Variants in STK33 observed in about 807,000 individuals in gnomAD.
The protein encoded by STK33 is serine/threonine kinase 33.
A neutral mutation model predicts 58.0 loss-of-function variants in STK33; 52 were observed. That is an observed-to-expected ratio of 0.90 (90% CI 0.72 to 1.13). The LOEUF is 1.13. Among genes scored for constraint, STK33 ranks in the 50% most tolerant of loss-of-function variants. The pLI is 0.00. For synonymous variants in STK33, 215 were observed against 200.1 expected, an observed-to-expected ratio of 1.07 and a Z score of -0.63; for missense variants, 630 against 604.2, an observed-to-expected ratio of 1.04 and a Z score of -0.45.
chr11:8,426,784 T>C (rs1252471146), intron 14 of STK33, among the ~76,000 whole-genome samples: 1 of 152,216 alleles, frequency 6.6e-6, no homozygotes, highest in Non-Finnish European at 1.5e-5. Flanking sequence ...TTAAGTTAGA[T>C]ATCATTAATT....
chr11:8,487,170 T>A (rs1408289080), intron 1 of STK33, among the ~76,000 whole-genome samples: 3 of 152,202 alleles, frequency 2.0e-5, no homozygotes, highest in South Asian at 4.1e-4. Context: ...ATGACTGTAA[T>A]CCTAGCACTT....
At chr11:8,538,117 G>A (rs1489512083) in intron 1 of STK33, among the ~76,000 whole-genome samples, 3 of 152,052 alleles carry the variant, frequency 2.0e-5, no homozygotes, top group Non-Finnish European at 4.4e-5. Flanking sequence ...AGCCGTGGGA[G>A]GCAGAGATTG....
At chr11:8,431,505 T>C (rs1343795190) in intron 14 of STK33, among the ~76,000 whole-genome samples, 2 of 152,216 alleles carry the variant, frequency 1.3e-5, no homozygotes, top group African/African-American at 4.8e-5. Context: ...AAAGTGCTTT[T>C]GCAAGGTTGT....
At chr11:8,390,010 G>T (rs991315167), downstream of STK33, among the ~76,000 whole-genome samples, 2 of 152,076 alleles carry the variant, frequency 1.3e-5, no homozygotes, top group Non-Finnish European at 1.5e-5. Context: ...TCTCGCTCCG[G>T]CTTCCGGCTT....
At chr11:8,356,255 G>A in the STK33 span, among the ~76,000 whole-genome samples, 20 of 152,190 alleles carry the variant, frequency 1.3e-4, no homozygotes, top group African/African-American at 4.6e-4. Flanking sequence ...ATCCACCCAG[G>A]AGCATCCACG....
intron 7 of STK33, among the ~76,000 whole-genome samples, chr11:8,464,075 T>C (rs1282783908): frequency 1.3e-5 from 2 of 152,186 alleles, no homozygotes; most frequent in Non-Finnish European, 2.9e-5. Context: ...AACACCATAA[T>C]GTTGTTTGGT....
intron 1 of STK33, chr11:8,567,103 G>C (rs1957502099): frequency 6.6e-6 from 1 of 152,116 alleles, no homozygotes; most frequent in African/African-American, 2.4e-5. Flanking sequence ...TCGAGCCATT[G>C]CATTCCAGCC....
At chr11:8,523,627 A>T (rs1953734283) in intron 1 of STK33, among the ~76,000 whole-genome samples, 1 of 149,926 alleles carries the variant, frequency 6.7e-6, no homozygotes, top group Non-Finnish European at 1.5e-5. Context: ...AGTGAGGAGC[A>T]TCTCCGCCCG....
chr11:8,500,600 A>C (rs10840062), intron 1 of STK33, among the ~76,000 whole-genome samples: 83,687 of 152,026 alleles, frequency 0.55, 23,419 homozygotes, highest in African/African-American at 0.66. Flanking sequence ...TATTGGAAGA[A>C]TCAATACTCC....
Position 8,521,506 on chromosome 11 carries a change from C to T in STK33, c.-465-40892G>A, listed in dbSNP as rs561264647. ...TGGAGTAAAGACTTAAATGTTAGAC[C>T]TAAAACCATAAAAACCCTAGAAGAA... On this transcript the variant is annotated intron_variant, in intron 1 of 15. Coordinates refer to ENST00000687296, the MANE Select transcript of STK33 (RefSeq NM_001352389.2). Among the ~76,000 whole-genome samples, 266 of 152,166 alleles carry T rather than the reference C, an allele frequency of 1.7e-3. 2 individuals are homozygous for T. The highest frequency in any genetic ancestry group is 6.2e-3 in the African/African-American group (256 of 41,522).
At chr11:8,448,160 A>G (rs1166354099) in intron 11 of STK33, among the ~76,000 whole-genome samples, 1 of 152,230 alleles carries the variant, frequency 6.6e-6, no homozygotes, top group Non-Finnish European at 1.5e-5. Flanking sequence ...AGAACATTCC[A>G]TGCTCACGGG....
chr11:8,591,407 G>A (rs1311660558), intron 1 of STK33, among the ~76,000 whole-genome samples: 1 of 152,160 alleles, frequency 6.6e-6, no homozygotes, highest in African/African-American at 2.4e-5. Context: ...AAGCGTAAAA[G>A]CAATGGATCA....
intron 11 of STK33, among the ~76,000 whole-genome samples, chr11:8,450,518 C>G (rs934532145): frequency 6.6e-6 from 1 of 152,098 alleles, no homozygotes; most frequent in African/African-American, 2.4e-5. Flanking sequence ...AACAAACCTA[C>G]ACCTTCTGTA....
At chr11:8,357,311 G>A in the STK33 span, among the ~76,000 whole-genome samples, 1 of 152,248 alleles carries the variant, frequency 6.6e-6, no homozygotes, top group Non-Finnish European at 1.5e-5. Flanking sequence ...GTGGACAGCT[G>A]GGAGCCCGCC....
chr11:8,559,288 C>G (rs1413686450), intron 1 of STK33, among the ~76,000 whole-genome samples: 1 of 152,168 alleles, frequency 6.6e-6, no homozygotes, highest in Non-Finnish European at 1.5e-5. Flanking sequence ...AACCAAAGCA[C>G]AAAGCCAACA....
intron 1 of STK33, among the ~76,000 whole-genome samples, chr11:8,527,368 C>T (rs569550422): frequency 6.6e-6 from 1 of 152,304 alleles, no homozygotes; most frequent in Non-Finnish European, 1.5e-5. Flanking sequence ...TATTATTGAT[C>T]TGAGTGATGG....
At chr11:8,554,754 C>T (rs982777313) in intron 1 of STK33, among the ~76,000 whole-genome samples, 1 of 152,078 alleles carries the variant, frequency 6.6e-6, no homozygotes, top group Non-Finnish European at 1.5e-5. Context: ...CTCACTGCTG[C>T]GTACATACCC....
At chr11:8,363,898 C>A in the STK33 span, among the ~76,000 whole-genome samples, 6 of 152,130 alleles carry the variant, frequency 3.9e-5, no homozygotes, top group Admixed American at 2.6e-4. Context: ...TGTTTCATTT[C>A]TTTGTAAAAA....
At chr11:8,411,079 C>A (rs1368574533) in intron 15 of STK33, among the ~76,000 whole-genome samples, 2 of 152,216 alleles carry the variant, frequency 1.3e-5, no homozygotes, top group Admixed American at 6.5e-5. Flanking sequence ...TGCCAAGTGT[C>A]TCATCAGAAG....
Sources: allele counts gnomAD v4.1 joint callset (sites outside exome capture counted in the v4.1 genomes callset), GRCh38; gene constraint gnomAD v4.1.1; transcripts MANE v1.5; gene names NCBI Gene and HGNC (gene_info 2026-07-23, HGNC 2026-07-21).